Variants in IL1RL1 observed in about 807,000 individuals in gnomAD.
The protein encoded by IL1RL1 is interleukin 1 receptor like 1.
A neutral mutation model predicts 50.9 loss-of-function variants in IL1RL1; 32 were observed. That is an observed-to-expected ratio of 0.63 (90% CI 0.47 to 0.84). IL1RL1 has a LOEUF of 0.84. Ranked by LOEUF, IL1RL1 falls within the 40% of genes least tolerant of loss-of-function variation. The pLI, the probability that IL1RL1 is intolerant of heterozygous loss-of-function variation, is 0.00. For missense variants in IL1RL1, 773 were observed against 662.9 expected, an observed-to-expected ratio of 1.17 and a Z score of -1.82; for synonymous variants, 275 against 236.0, an observed-to-expected ratio of 1.17 and a Z score of -1.51.
intron 5 of IL1RL1, chr2:102,341,363 T>A: frequency 9.2e-6 from 11 of 1,191,388 alleles, no homozygotes; most frequent in Non-Finnish European, 1.2e-5. Context: ...CTTGAGTAAG[T>A]CACTTCATTC....
intron 1 of IL1RL1, among the ~76,000 whole-genome samples, chr2:102,314,596 T>C (rs1676619217): frequency 6.6e-6 from 1 of 152,220 alleles, no homozygotes; most frequent in South Asian, 2.1e-4. Context: ...AACATGACTT[T>C]AGTGTGGATA....
chr2:102,351,418 G>A, intron 10 of IL1RL1, 118 bp from the exon 11 acceptor site: 2 of 888,170 alleles, frequency 2.3e-6, no homozygotes, highest in African/African-American at 3.4e-5. Context: ...CTGAGTAAGT[G>A]ACTTGATGTC....
intron 4 of IL1RL1, 27 bp from the exon 5 acceptor site, chr2:102,340,639 A>G: frequency 6.3e-7 from 1 of 1,577,136 alleles, no homozygotes; most frequent in Non-Finnish European, 8.6e-7. Flanking sequence ...AGAATTACTG[A>G]GAAGGAAATG....
intron 8 of IL1RL1, chr2:102,344,289 C>A: frequency 5.4e-6 from 2 of 369,926 alleles, no homozygotes; most frequent in Non-Finnish European, 7.5e-6. Context: ...ACCTCGAATA[C>A]TGGGGATTAC....
rs376436535 is a variant in IL1RL1, at chr2:102,314,934, C to T, written c.-150+3311C>T. The stretch of plus-strand genomic sequence containing the variant: ...GCAGGTGTCTGGTGATAGTTGGGTG[C>T]TGGAAGATTCTGAGTTATTTGCTCA... On this transcript the variant is annotated intron_variant, in intron 1 of 10. Coordinates refer to ENST00000233954, the MANE Select transcript of IL1RL1 (RefSeq NM_016232.5). 2.5e-3 allele frequency among the ~76,000 whole-genome samples: 380 copies of T among 152,126 alleles called. 7 individuals are homozygous for T. In the South Asian group the frequency reaches 0.031, roughly 12 times the overall value.
At chr2:102,323,247 T>TTATATATATATATATATA (rs371889389) in intron 1 of IL1RL1, among the ~76,000 whole-genome samples, 197 of 98,454 alleles carry the variant, frequency 2.0e-3, no homozygotes, top group African/African-American at 6.9e-3. Context: ...TTGTTAGGTT[T>TTATATATATATATATATA]TATATATATA....
At chr2:102,330,574 C>G (rs1459082193) in intron 1 of IL1RL1, among the ~76,000 whole-genome samples, 1 of 152,186 alleles carries the variant, frequency 6.6e-6, no homozygotes, top group Admixed American at 6.5e-5. Context: ...TTGTCCTGTG[C>G]TTATTGAACA....
At chr2:102,335,970 T>C (rs1677308720) in intron 1 of IL1RL1, among the ~76,000 whole-genome samples, 1 of 152,154 alleles carries the variant, frequency 6.6e-6, no homozygotes, top group Non-Finnish European at 1.5e-5. Flanking sequence ...GAACATCTCA[T>C]GGTCAATCTC....
chr2:102,324,801 G>T (rs1404012872), intron 1 of IL1RL1, among the ~76,000 whole-genome samples: 1 of 152,220 alleles, frequency 6.6e-6, no homozygotes, highest in South Asian at 2.1e-4. Context: ...GCGAGGCTGT[G>T]GGAGGCGTGC....
At chr2:102,349,799 G>A (rs536712792) in intron 10 of IL1RL1, among the ~76,000 whole-genome samples, 8 of 152,226 alleles carry the variant, frequency 5.3e-5, no homozygotes, top group African/African-American at 1.9e-4. Context: ...CAACTCCTGT[G>A]TTTGCAGTAG....
chr2:102,313,994 T>G (rs890810647), intron 1 of IL1RL1, among the ~76,000 whole-genome samples: 5 of 152,164 alleles, frequency 3.3e-5, no homozygotes, highest in Non-Finnish European at 4.4e-5. Flanking sequence ...GCGTCTGGAT[T>G]CTGAATAGGG....
intron 1 of IL1RL1, among the ~76,000 whole-genome samples, chr2:102,319,449 A>T (rs1676774174): frequency 6.6e-6 from 1 of 152,220 alleles, no homozygotes; most frequent in Non-Finnish European, 1.5e-5. Context: ...GGGAGGTGCA[A>T]CAAAATGAAG....
chr2:102,347,004 A>G (rs1468556625), intron 8 of IL1RL1, among the ~76,000 whole-genome samples: 2 of 152,232 alleles, frequency 1.3e-5, no homozygotes, highest in Non-Finnish European at 2.9e-5. Flanking sequence ...TTGGTTGAGT[A>G]ATGTTCACCA....
At chr2:102,344,888 A>C in intron 8 of IL1RL1, 1 of 973,572 alleles carries the variant, frequency 1.0e-6, no homozygotes. Flanking sequence ...GTTTTTTCTG[A>C]ATCTAGCAGG....
rs139899364 is a variant in IL1RL1 at position 102,330,901 on chromosome 2, T to C, written c.-149-7215T>C. The stretch of plus-strand genomic sequence containing the variant: ...ACTTCAGGTTTAAGATGTTCTGTTA[T>C]GTAATACAATCCATTTTTATTTCAT... On this transcript the variant is annotated intron_variant, in intron 1 of 10. Coordinates refer to ENST00000233954, the MANE Select transcript of IL1RL1 (RefSeq NM_016232.5). 4.6e-4 allele frequency among the ~76,000 whole-genome samples: 70 copies of C among 152,354 alleles called. 1 individual carries two copies. The East Asian group carries it at 0.011, about 24-fold the overall frequency.
chr2:102,329,913 T>C (rs1012377243), intron 1 of IL1RL1, among the ~76,000 whole-genome samples: 2 of 152,208 alleles, frequency 1.3e-5, no homozygotes, highest in African/African-American at 4.8e-5. Flanking sequence ...AGTTCAACCA[T>C]TGTGGAAGTC....
chr2:102,338,284 C>G lies in IL1RL1; in HGVS notation c.20C>G (p.Ala7Gly), dbSNP rs201837678. The G allele has an allele frequency of 1.0e-4, 165 of 1,605,226 alleles. No individual in the cohort carries two copies. Among genetic ancestry groups the G allele is most frequent in the Non-Finnish European group, 1.4e-4 (161 of 1,173,492 alleles). MGFWIL[A>G]ILTILMYSTA... ...AACAGAATGGGGTTTTGGATCTTAG[C>G]AATTCTCACAATTCTCATGTATTCC... Residue 7 changes from alanine (A) to glycine (G), a missense_variant, in exon 2 of 11, where the codon GCA becomes GGA. Coordinates refer to ENST00000233954, the MANE Select transcript of IL1RL1 (RefSeq NM_016232.5).
chr2:102,329,490 G>A (rs1677112224), intron 1 of IL1RL1, among the ~76,000 whole-genome samples: 2 of 152,114 alleles, frequency 1.3e-5, no homozygotes, highest in African/African-American at 2.4e-5. Context: ...TTGACAAATG[G>A]GATCTAATTA....
chr2:102,326,042 C>T (rs1407584928), intron 1 of IL1RL1, among the ~76,000 whole-genome samples: 2 of 152,090 alleles, frequency 1.3e-5, no homozygotes, highest in African/African-American at 2.4e-5. Context: ...CTCCAAGACA[C>T]ATAATTGTCA....
Sources: allele counts gnomAD v4.1 joint callset (sites outside exome capture counted in the v4.1 genomes callset), GRCh38; gene constraint gnomAD v4.1.1; transcripts MANE v1.5; gene names NCBI Gene and HGNC (gene_info 2026-07-23, HGNC 2026-07-21).